Variants in DSCAM observed in about 807,000 individuals in gnomAD.
DSCAM encodes the protein cell adhesion molecule DSCAM.
A neutral mutation model predicts 217.7 loss-of-function variants in DSCAM; 47 were observed. The observed-to-expected ratio is 0.22, with a 90% CI of 0.17 to 0.28. The LOEUF (loss-of-function observed/expected upper bound fraction) is 0.28, where lower values mean the gene tolerates loss of function less well. DSCAM is among the 10% of genes least tolerant of loss of function. The pLI, the probability that DSCAM is intolerant of heterozygous loss-of-function variation, is 1.00. For synonymous variants in DSCAM, 1,056 were observed against 1,015.3 expected (o/e 1.04, Z -0.76); for missense variants, 2,080 against 2,618.3 (o/e 0.79, Z 4.49).
Position 40,708,532 on chromosome 21 carries a change from T to A in DSCAM, c.283A>T (p.Ile95Phe). Residue 95 changes from isoleucine (I) to phenylalanine (F), a missense_variant, in exon 2 of 33, where the codon ATC becomes TTC. By Grantham distance (21) the Ile-to-Phe change is conservative. This residue lies in a region of DSCAM where 568 missense variants were observed against 678.1 expected (regional missense o/e 0.84). Coordinates refer to ENST00000400454, the MANE Select transcript of DSCAM (RefSeq NM_001389.5). Reference protein sequence around the residue: ...PFPPSSFSTLIHDNTYYCTAE... With the variant: ...PFPPSSFSTLFHDNTYYCTAE... The stretch of plus-strand genomic sequence containing the variant: ...GTGCAATAATAAGTATTATCATGGA[T>A]TAAGGTACTGAAGCTTGAAGGAGGG... The A allele has an allele frequency of 6.3e-7, 1 of 1,581,202 alleles. No individual in the cohort carries two copies. The highest frequency in any genetic ancestry group is 8.6e-7 in the Non-Finnish European group (1 of 1,161,992).
chr21:40,571,493 CAG>C (rs1328129399), intron 3 of DSCAM, among the ~76,000 whole-genome samples: 4 of 152,112 alleles, frequency 2.6e-5, no homozygotes, highest in Non-Finnish European at 5.9e-5. Flanking sequence ...GAGAAGAACT[CAG>C]AGATTTTTTT....
At chr21:40,293,738 T>C (rs986649374) in intron 10 of DSCAM, among the ~76,000 whole-genome samples, 2 of 152,020 alleles carry the variant, frequency 1.3e-5, no homozygotes, top group African/African-American at 4.8e-5. Context: ...GGCAGAAGAA[T>C]TGCTTGAACC....
At chr21:40,532,459 A>C (rs2076454677) in intron 3 of DSCAM, among the ~76,000 whole-genome samples, 1 of 152,188 alleles carries the variant, frequency 6.6e-6, no homozygotes. Context: ...GCAAAAAACA[A>C]CACATAAATA....
At position 40,489,549 on chromosome 21, in the gene DSCAM, C is replaced by T. The variant is rs866281901; in HGVS notation, c.509-120304G>A. On this transcript the variant is annotated intron_variant, in intron 3 of 32. Coordinates refer to ENST00000400454, the MANE Select transcript of DSCAM (RefSeq NM_001389.5). Reference sequence around the variant, plus strand: ...CAGCACTTTGGGAGGCCGAGGCGGGCGGATCACGAGGTCAGGAGATCGAGA... The same window carrying T: ...CAGCACTTTGGGAGGCCGAGGCGGGTGGATCACGAGGTCAGGAGATCGAGA... 1.5e-3 allele frequency among the ~76,000 whole-genome samples: 221 copies of T among 151,826 alleles called. 1 individual carries two copies. The highest frequency in any genetic ancestry group is 3.9e-3 in the Admixed American group (60 of 15,236).
At chr21:40,647,924 A>G (rs2089966586) in intron 3 of DSCAM, among the ~76,000 whole-genome samples, 1 of 152,202 alleles carries the variant, frequency 6.6e-6, no homozygotes, top group African/African-American at 2.4e-5. Context: ...AATGTGCCAA[A>G]CAGTGACGCT....
In DSCAM at chr21:40,075,591, C is replaced by T. The variant is rs141963730; in HGVS notation, c.4712-378G>A. Among the ~76,000 whole-genome samples the T allele has an allele frequency of 1.7e-4, 26 of 152,286 alleles. No homozygotes were observed. The East Asian group carries it at 4.8e-3, about 28-fold the overall frequency. ...ATAGAGACTATTCGAAAAAATTGCA[C>T]ATCAAAGAATGAACAAAAGGTTGGG... On this transcript the variant is annotated intron_variant, in intron 26 of 32. Coordinates refer to ENST00000400454, the MANE Select transcript of DSCAM (RefSeq NM_001389.5).
intron 1 of DSCAM, among the ~76,000 whole-genome samples, chr21:40,719,105 G>A (rs1278433739): frequency 6.6e-6 from 1 of 151,826 alleles, no homozygotes; most frequent in Non-Finnish European, 1.5e-5. Flanking sequence ...GACACAGTGA[G>A]ACCTTGTCTC....
At chr21:40,619,078 A>G (rs2089445061) in intron 3 of DSCAM, among the ~76,000 whole-genome samples, 3 of 152,186 alleles carry the variant, frequency 2.0e-5, no homozygotes, top group African/African-American at 4.8e-5. Context: ...AGCAATTTTA[A>G]AAAAAACAAA....
chr21:40,814,051 A>G (rs949555352), intron 1 of DSCAM, among the ~76,000 whole-genome samples: 2 of 152,188 alleles, frequency 1.3e-5, no homozygotes, highest in East Asian at 1.9e-4. Flanking sequence ...GTGGTCATCA[A>G]TGCAGCTGGA....
chr21:40,367,067 T>C (rs1230386749), intron 4 of DSCAM, among the ~76,000 whole-genome samples: 2 of 152,140 alleles, frequency 1.3e-5, no homozygotes, highest in African/African-American at 4.8e-5. Context: ...GCTGAGTACT[T>C]CCACTATCTT....
At chr21:40,433,812 T>C (rs1305296673) in intron 3 of DSCAM, among the ~76,000 whole-genome samples, 2 of 152,174 alleles carry the variant, frequency 1.3e-5, no homozygotes, top group Admixed American at 6.5e-5. Flanking sequence ...TGAGGTCACC[T>C]GAGGTGATGA....
intron 14 of DSCAM, among the ~76,000 whole-genome samples, chr21:40,185,783 T>C (rs2090887978): frequency 6.6e-6 from 1 of 152,184 alleles, no homozygotes; most frequent in South Asian, 2.1e-4. Context: ...GGGAAACCTG[T>C]TGGTCCTAGT....
In DSCAM at chr21:40,768,252, G is replaced by T. The variant is rs149129698; in HGVS notation, c.44-59481C>A. ...CCCCTGCCTGAATTGCACCCAGATGGCACCCCAGTGGCTCTGAGCCAAGAC... is the reference window on the plus strand; with the variant it reads ...CCCCTGCCTGAATTGCACCCAGATGTCACCCCAGTGGCTCTGAGCCAAGAC... On this transcript the variant is annotated intron_variant, in intron 1 of 32. Transcript: ENST00000400454. Among the ~76,000 whole-genome samples, 1,116 of 152,168 alleles carry T rather than the reference G, an allele frequency of 7.3e-3. 15 individuals carry two copies. Among genetic ancestry groups the T allele is most frequent in the African/African-American group, 0.026 (1,066 of 41,506 alleles).
At chr21:40,425,244 G>A (rs116415781) in intron 3 of DSCAM, among the ~76,000 whole-genome samples, 1,545 of 151,844 alleles carry the variant, frequency 0.01, 31 homozygotes, top group African/African-American at 0.032. Context: ...TTCTCTTCCC[G>A]GCCAGGCATG....
At chr21:40,416,161 C>T (rs990765081) in intron 3 of DSCAM, among the ~76,000 whole-genome samples, 21 of 152,252 alleles carry the variant, frequency 1.4e-4, no homozygotes, top group Middle Eastern at 3.4e-3. Context: ...TTTGATTTAA[C>T]GCTCTGCTTC....
chr21:40,060,402 T>A (rs1279624671), intron 28 of DSCAM, among the ~76,000 whole-genome samples: 1 of 152,058 alleles, frequency 6.6e-6, no homozygotes, highest in Non-Finnish European at 1.5e-5. Flanking sequence ...TGTCAGAAAA[T>A]ATAGCCCGCA....
At chr21:40,052,163 TCCCTGG>T (rs2088943544) in intron 29 of DSCAM, 56 bp from the exon 30 acceptor site, 4 of 1,587,444 alleles carry the variant, frequency 2.5e-6, no homozygotes, top group Non-Finnish European at 3.4e-6. Context: ...TTCCAACCAC[TCCCTGG>T]CCTTTTCTCT....
intron 3 of DSCAM, among the ~76,000 whole-genome samples, chr21:40,541,353 T>C (rs1261769017): frequency 1.3e-5 from 2 of 152,144 alleles, no homozygotes; most frequent in East Asian, 1.9e-4. Flanking sequence ...AGTTTACAAA[T>C]AAAATAAAGT....
In DSCAM at chr21:40,809,749, A is replaced by C. The variant is rs566341621; in HGVS notation, c.43+36870T>G. On this transcript the variant is annotated intron_variant, in intron 1 of 32. Transcript: ENST00000400454. The stretch of plus-strand genomic sequence containing the variant: ...TGATCATTTAACAATTATTTGCTGA[A>C]TTGAACTCTAGTGGGCAGGTGCATT... Among the ~76,000 whole-genome samples the C allele has an allele frequency of 3.3e-5, 5 of 152,310 alleles. No homozygotes were observed. In the South Asian group the frequency reaches 1.0e-3, roughly 32 times the overall value.
Sources: gnomAD v4.1 joint callset for allele counts (sites outside exome capture counted in the v4.1 genomes callset) on GRCh38, gnomAD v4.1.1 for gene constraint, gnomAD v4.1.1 regional missense constraint, MANE v1.5 for transcripts, NCBI Gene and HGNC (gene_info 2026-07-23, HGNC 2026-07-21) for gene names.